LARGE1: variants seen among roughly 807,000 people sequenced by gnomAD.
LARGE1 encodes the protein xylosyl- and glucuronyltransferase LARGE1.
A neutral mutation model predicts 87.6 loss-of-function variants in LARGE1; 43 were observed. The ratio of observed to expected loss-of-function variants is 0.49; its 90% confidence interval spans 0.38 to 0.63. The LOEUF (loss-of-function observed/expected upper bound fraction) is 0.63. LARGE1 is among the 30% of genes least tolerant of loss of function. The pLI is 0.00. For missense variants in LARGE1, 802 were observed against 1,000.2 expected, an observed-to-expected ratio of 0.80 and a Z score of 2.67; for synonymous variants, 434 against 394.6, an observed-to-expected ratio of 1.10 and a Z score of -1.18.
At chr22:33,641,005 CA>C (rs2080412746) in intron 3 of LARGE1, among the ~76,000 whole-genome samples, 2 of 152,190 alleles carry the variant, frequency 1.3e-5, no homozygotes, top group Non-Finnish European at 2.9e-5. Context: ...CGGACTTAAA[CA>C]TTCCTGCCTG....
At position 33,846,064 on chromosome 22, in the gene LARGE1, G is replaced by A. The variant is rs9609878; in HGVS notation, c.-83+73931C>T. 3.4e-4 allele frequency among the ~76,000 whole-genome samples: 52 copies of A among 152,026 alleles called. 1 individual carries two copies. In the East Asian group the frequency reaches 7.9e-3, roughly 23 times the overall value. On this transcript the variant is annotated intron_variant, in intron 1 of 14. Transcript: ENST00000397394. ...CCGCTGTCTGAATTTTCATGACAGC[G>A]TCTCTGTTTGTCATTTAACCTGCAT...
At chr22:33,461,660 A>G (rs1400937997) in intron 6 of LARGE1, among the ~76,000 whole-genome samples, 2 of 150,512 alleles carry the variant, frequency 1.3e-5, no homozygotes, top group Non-Finnish European at 3.0e-5. Context: ...AATTTAAAAA[A>G]AAAAAGAAAA....
intron 4 of LARGE1, 22 bp downstream of exon 4, chr22:33,626,222 A>C (rs1357222514): frequency 6.2e-7 from 1 of 1,608,120 alleles, no homozygotes; most frequent in East Asian, 2.2e-5. Flanking sequence ...CTCAGCCCAC[A>C]CAGCACAGAA....
intron 2 of LARGE1, among the ~76,000 whole-genome samples, chr22:33,755,531 C>T (rs2084480712): frequency 6.6e-6 from 1 of 152,124 alleles, no homozygotes; most frequent in African/African-American, 2.4e-5. Flanking sequence ...AGAACCACAT[C>T]CCACAATAAA....
At chr22:33,184,574 A>G (rs1418380821) in intron 11 of LARGE1, among the ~76,000 whole-genome samples, 3 of 151,700 alleles carry the variant, frequency 2.0e-5, no homozygotes, top group African/African-American at 7.2e-5. Context: ...ATAAAACAGA[A>G]GCAAATTAGG....
At chr22:33,141,169 A>ATCTCTCTC in the LARGE1 span, among the ~76,000 whole-genome samples, 118 of 143,972 alleles carry the variant, frequency 8.2e-4, no homozygotes, top group African/African-American at 3.0e-3. Context: ...TATTCTCAGA[A>ATCTCTCTC]TCTCTCTCTC....
rs1231091802 is a variant in LARGE1 at position 33,715,406 on chromosome 22, T to C, written c.106+45965A>G. Among the ~76,000 whole-genome samples, 3 of 152,202 alleles carry C rather than the reference T, an allele frequency of 2.0e-5. No homozygotes were observed. In the East Asian group the frequency reaches 5.8e-4, roughly 29 times the overall value. On this transcript the variant is annotated intron_variant, in intron 2 of 14. Transcript: ENST00000397394. The stretch of plus-strand genomic sequence containing the variant: ...TGAATTAATGTTCCTAAGGGCAGGC[T>C]GGTAACTGGATACTGGGTAACGCCT...
At chr22:33,639,191 A>G (rs759158888) in intron 3 of LARGE1, among the ~76,000 whole-genome samples, 1 of 152,190 alleles carries the variant, frequency 6.6e-6, no homozygotes, top group Non-Finnish European at 1.5e-5. Context: ...TGCTGTGAGG[A>G]AGCTCAAACT....
At chr22:33,723,473 G>A (rs550056835) in intron 2 of LARGE1, among the ~76,000 whole-genome samples, 8 of 152,272 alleles carry the variant, frequency 5.3e-5, no homozygotes, top group Non-Finnish European at 1.0e-4. Flanking sequence ...GGTACTGTAA[G>A]GTGATGAGTG....
chr22:33,916,093 G>T (rs544699642), intron 1 of LARGE1, among the ~76,000 whole-genome samples: 78 of 152,102 alleles, frequency 5.1e-4, no homozygotes, highest in African/African-American at 1.7e-3. Context: ...CCAGCCTGGC[G>T]AAGATGGTGA....
chr22:33,461,228 C>T (rs1298223546), intron 6 of LARGE1, among the ~76,000 whole-genome samples: 1 of 152,160 alleles, frequency 6.6e-6, no homozygotes, highest in Non-Finnish European at 1.5e-5. Flanking sequence ...TTGGAGGTTA[C>T]AGTGAGCTAT....
Position 33,785,188 on chromosome 22 carries a change from CAT to C in LARGE1, c.-82-23632_-82-23631del, listed in dbSNP as rs755323058. The stretch of plus-strand genomic sequence containing the variant: ...GTGTATACATACATATGTGTATATA[CAT>C]ATATGTGTATACATACATATGTGTA... On this transcript the variant is annotated intron_variant, in intron 1 of 14. Coordinates refer to ENST00000397394, the MANE Select transcript of LARGE1 (RefSeq NM_133642.5). Among the ~76,000 whole-genome samples the C allele has an allele frequency of 9.7e-5, 14 of 143,738 alleles. No individual in the cohort carries two copies. The South Asian group carries it at 1.1e-3, about 12-fold the overall frequency. 94.3% of individuals were successfully genotyped at this position (143,738 alleles called of 152,430 possible). A position where few individuals can be genotyped will look rare whatever the true frequency, so the allele number is the denominator to read the frequency against.
the LARGE1 span, among the ~76,000 whole-genome samples, chr22:33,104,945 T>TTCTTTCTCTTTC: frequency 4.4e-5 from 6 of 137,562 alleles, no homozygotes; most frequent in Non-Finnish European, 9.3e-5. Flanking sequence ...CTTTCTTTCT[T>TTCTTTCTCTTTC]TCTCTTTCTC....
intron 9 of LARGE1, among the ~76,000 whole-genome samples, chr22:33,369,521 A>C (rs1258863114): frequency 6.6e-6 from 1 of 151,952 alleles, no homozygotes; most frequent in African/African-American, 2.4e-5. Flanking sequence ...TTAGTTCTCT[A>C]TCTCTACTTT....
intron 1 of LARGE1, among the ~76,000 whole-genome samples, chr22:33,788,151 G>C (rs2085711078): frequency 6.6e-6 from 1 of 152,156 alleles, no homozygotes; most frequent in African/African-American, 2.4e-5. Flanking sequence ...GGGCCAGGTG[G>C]AGATAAGTGA....
rs1928418198 is a variant in LARGE1 at position 33,272,846 on chromosome 22, T to A, written c.*1581A>T. ...AGCCCACATCTGGTAGAAGACAACA[T>A]CTGGCTCCAGTGTTGAGAAAGATGC... On this transcript the variant is annotated 3_prime_UTR_variant, in exon 15 of 15. Coordinates refer to ENST00000397394, the MANE Select transcript of LARGE1 (RefSeq NM_133642.5). The A allele has an allele frequency of 6.6e-6, 1 of 152,156 alleles. No individual in the cohort carries two copies. 9.4% of individuals were successfully genotyped at this position (152,156 alleles called of 1,614,324 possible).
At chr22:33,873,474 C>T (rs1342526505) in intron 1 of LARGE1, 4 of 152,286 alleles carry the variant, frequency 2.6e-5, no homozygotes, top group East Asian at 3.9e-4. Context: ...TGGGGCCTTC[C>T]GGGAAGCTGA....
intron 1 of LARGE1, among the ~76,000 whole-genome samples, chr22:33,773,732 C>T (rs571427305): frequency 1.2e-4 from 19 of 152,356 alleles, no homozygotes; most frequent in African/African-American, 4.6e-4. Context: ...ATTTGTTATC[C>T]TGGAGCCTCC....
At chr22:33,305,273 C>A (rs899025973) in intron 11 of LARGE1, among the ~76,000 whole-genome samples, 1 of 151,602 alleles carries the variant, frequency 6.6e-6, no homozygotes, top group African/African-American at 2.4e-5. Flanking sequence ...GCCCCTACTA[C>A]CCCAGGGCGC....
Sources: gnomAD v4.1 joint callset for allele counts (sites outside exome capture counted in the v4.1 genomes callset) on GRCh38, gnomAD v4.1.1 for gene constraint, MANE v1.5 for transcripts, NCBI Gene and HGNC (gene_info 2026-07-23, HGNC 2026-07-21) for gene names.